The following PPARGC1A variants were observed in gnomAD, a reference collection of about 807,000 sequenced individuals.
PPARGC1A encodes the protein peroxisome proliferator-activated receptor gamma coactivator 1-alpha.
A neutral mutation model predicts 88.7 loss-of-function variants in PPARGC1A; 25 were observed. That is an observed-to-expected ratio of 0.28 (90% CI 0.21 to 0.39). The LOEUF (loss-of-function observed/expected upper bound fraction) is 0.39, where lower values mean the gene tolerates loss of function less well. PPARGC1A is among the 10% of genes least tolerant of loss of function. PPARGC1A has a pLI of 1.00. For synonymous variants in PPARGC1A, 363 were observed against 355.6 expected (o/e 1.02, Z -0.24); for missense variants, 880 against 968.7 (o/e 0.91, Z 1.22).
At chr4:24,311,261 G>A in the PPARGC1A span, among the ~76,000 whole-genome samples, 4 of 148,070 alleles carry the variant, frequency 2.7e-5, no homozygotes, top group East Asian at 2.0e-4. Flanking sequence ...CACCACGCCC[G>A]GCTAATTTTT....
At chr4:24,443,251 TG>T in the PPARGC1A span, among the ~76,000 whole-genome samples, 1 of 60,192 alleles carries the variant, frequency 1.7e-5, no homozygotes, top group Non-Finnish European at 3.1e-5. Flanking sequence ...GAAAAATGTA[TG>T]GGTTTTTTTT....
the PPARGC1A span, among the ~76,000 whole-genome samples, chr4:24,227,551 AGAT>A: frequency 1.3e-5 from 2 of 152,260 alleles, no homozygotes; most frequent in Non-Finnish European, 2.9e-5. Flanking sequence ...AAGTAAATAA[AGAT>A]GATAACTTTA....
At chr4:24,054,100 T>C in the PPARGC1A span, among the ~76,000 whole-genome samples, 68 of 152,290 alleles carry the variant, frequency 4.5e-4, no homozygotes, top group African/African-American at 1.5e-3. Context: ...TTACTCAAAG[T>C]AGTGTTGAAA....
At chr4:24,062,584 C>A in the PPARGC1A span, among the ~76,000 whole-genome samples, 3 of 152,182 alleles carry the variant, frequency 2.0e-5, no homozygotes, top group Non-Finnish European at 2.9e-5. Context: ...CTGGGGGCCC[C>A]CAGTGGTAGG....
At chr4:24,139,824 C>T in the PPARGC1A span, among the ~76,000 whole-genome samples, 2 of 152,184 alleles carry the variant, frequency 1.3e-5, no homozygotes, top group African/African-American at 4.8e-5. Context: ...AGCTTAAATG[C>T]TGGAACTGAG....
the PPARGC1A span, among the ~76,000 whole-genome samples, chr4:23,966,250 C>T: frequency 6.6e-6 from 1 of 152,186 alleles, no homozygotes; most frequent in African/African-American, 2.4e-5. Flanking sequence ...GAGGTCATTT[C>T]TCCTAAGGCA....
the PPARGC1A span, among the ~76,000 whole-genome samples, chr4:24,210,114 C>T: frequency 6.6e-6 from 1 of 152,174 alleles, no homozygotes; most frequent in Admixed American, 6.5e-5. Flanking sequence ...TCCTCCCCTC[C>T]TTGTCCTAGG....
chr4:24,255,144 G>C, the PPARGC1A span, among the ~76,000 whole-genome samples: 6 of 152,086 alleles, frequency 3.9e-5, no homozygotes, highest in Non-Finnish European at 7.4e-5. Flanking sequence ...CATTTAAAGA[G>C]CAGTTGTACA....
the PPARGC1A span, among the ~76,000 whole-genome samples, chr4:24,289,225 A>AC: frequency 6.7e-6 from 1 of 148,710 alleles, no homozygotes; most frequent in Non-Finnish European, 1.5e-5. Context: ...GTCTCAAAAA[A>AC]AAAAAAAAAA....
chr4:24,199,413 G>T, the PPARGC1A span, among the ~76,000 whole-genome samples: 1 of 152,092 alleles, frequency 6.6e-6, no homozygotes, highest in African/African-American at 2.4e-5. Flanking sequence ...CAACAAATGA[G>T]ATCTGTACAG....
chr4:24,325,029 C>CTTAAAAATTTACTCTT, the PPARGC1A span, among the ~76,000 whole-genome samples: 1 of 152,136 alleles, frequency 6.6e-6, no homozygotes, highest in Non-Finnish European at 1.5e-5. Flanking sequence ...CCCACCTGCC[C>CTTAAAAATTTACTCTT]AGCAATTTAC....
the PPARGC1A span, among the ~76,000 whole-genome samples, chr4:24,361,396 T>G: frequency 1.3e-5 from 2 of 152,226 alleles, no homozygotes; most frequent in East Asian, 3.9e-4. Context: ...CAACAAGACC[T>G]GAAATGAAGA....
the PPARGC1A span, among the ~76,000 whole-genome samples, chr4:24,071,955 A>T: frequency 6.6e-6 from 1 of 152,094 alleles, no homozygotes; most frequent in South Asian, 2.1e-4. Flanking sequence ...TTAAATGTTG[A>T]ATGGCAGTTT....
At chr4:24,224,836 G>A in the PPARGC1A span, among the ~76,000 whole-genome samples, 4 of 152,168 alleles carry the variant, frequency 2.6e-5, no homozygotes, top group East Asian at 1.9e-4. Context: ...TTTAAATTGC[G>A]TGCTCAGGAG....
At chr4:23,924,621 C>T in the PPARGC1A span, among the ~76,000 whole-genome samples, 9 of 152,220 alleles carry the variant, frequency 5.9e-5, no homozygotes, top group Non-Finnish European at 8.8e-5. Context: ...GACTCCATCT[C>T]GAAAAAACTT....
chr4:24,443,470 C>A, the PPARGC1A span, among the ~76,000 whole-genome samples: 2 of 152,270 alleles, frequency 1.3e-5, no homozygotes, highest in South Asian at 4.1e-4. Flanking sequence ...GCAAGAATGA[C>A]CAGGTCATGG....
chr4:24,427,330 G>C, the PPARGC1A span, among the ~76,000 whole-genome samples: 10 of 148,624 alleles, frequency 6.7e-5, no homozygotes, highest in Admixed American at 6.8e-4. Context: ...ACCCAGGCTA[G>C]AGTGCAGTGA....
the PPARGC1A span, among the ~76,000 whole-genome samples, chr4:24,394,730 A>G: frequency 2.0e-5 from 3 of 152,240 alleles, no homozygotes; most frequent in Admixed American, 6.5e-5. Context: ...GATGCTATCA[A>G]TTGTGAGATG....
chr4:24,077,247 C>G, the PPARGC1A span, among the ~76,000 whole-genome samples: 5 of 152,106 alleles, frequency 3.3e-5, no homozygotes, highest in African/African-American at 1.2e-4. Context: ...AGATCTTCCT[C>G]TTGCTTAGTT....
Sources: allele counts gnomAD v4.1 joint callset (sites outside exome capture counted in the v4.1 genomes callset), GRCh38; gene constraint gnomAD v4.1.1; transcripts MANE v1.5; gene names NCBI Gene and HGNC (gene_info 2026-07-23, HGNC 2026-07-21).